The following CTNNA3 variants were observed in gnomAD, a reference collection of about 807,000 sequenced individuals.
CTNNA3 encodes the protein catenin alpha 3.
CTNNA3 carries 76 observed loss-of-function variants against 95.7 expected under a neutral mutation model. That is an observed-to-expected ratio of 0.79 (90% CI 0.66 to 0.96). The LOEUF (loss-of-function observed/expected upper bound fraction) is 0.96, where lower values mean the gene tolerates loss of function less well. CTNNA3 is among the 40% of genes least tolerant of loss of function. CTNNA3 has a pLI of 0.00. For missense variants in CTNNA3, 1,191 were observed against 1,089.8 expected (o/e 1.09, Z -1.31); for synonymous variants, 431 against 374.4 (o/e 1.15, Z -1.74).
At chr10:66,077,689 G>A (rs1331819048) in intron 14 of CTNNA3, among the ~76,000 whole-genome samples, 1 of 150,864 alleles carries the variant, frequency 6.6e-6, no homozygotes, top group Non-Finnish European at 1.5e-5. Context: ...TTCAAAGGTG[G>A]TGATCTGTAT....
intron 13 of CTNNA3, among the ~76,000 whole-genome samples, chr10:66,170,241 C>CTTTTTTTTTTTTTT (rs57644952): frequency 2.7e-5 from 2 of 73,360 alleles, no homozygotes; most frequent in African/African-American, 5.0e-5. Context: ...TCCTCATTGT[C>CTTTTTTTTTTTTTT]TTTTTTTTTT....
Position 67,577,661 on chromosome 10 carries a change from C to T in CTNNA3, c.292+29196G>A, listed in dbSNP as rs559652777. 3.3e-5 allele frequency among the ~76,000 whole-genome samples: 5 copies of T among 150,940 alleles called. No individual in the cohort carries two copies. In the South Asian group the frequency reaches 1.1e-3, roughly 32 times the overall value. ...ATATATGTATGTGTATATATATACA[C>T]ACATATGTGTGTGTGTGTATGTGTA... is the stretch of plus-strand genomic sequence containing the variant. On this transcript the variant is annotated intron_variant, in intron 3 of 17. Transcript: ENST00000433211.
At chr10:66,816,673 T>G (rs1400531143) in intron 7 of CTNNA3, among the ~76,000 whole-genome samples, 1 of 152,176 alleles carries the variant, frequency 6.6e-6, no homozygotes, top group East Asian at 1.9e-4. Context: ...ATAAGCCAAC[T>G]ACACCTAATA....
intron 7 of CTNNA3, among the ~76,000 whole-genome samples, chr10:66,871,971 T>C (rs992583945): frequency 2.6e-5 from 4 of 152,214 alleles, no homozygotes; most frequent in African/African-American, 9.6e-5. Flanking sequence ...TTATCTATAT[T>C]AGCACTGCAC....
chr10:66,675,190 A>G (rs1846806664), intron 9 of CTNNA3, among the ~76,000 whole-genome samples: 1 of 152,004 alleles, frequency 6.6e-6, no homozygotes, highest in South Asian at 2.1e-4. Flanking sequence ...TGAGCAAAAC[A>G]AAAGCCATTG....
chr10:66,374,466 A>G (rs2092777984), intron 12 of CTNNA3, among the ~76,000 whole-genome samples: 1 of 152,128 alleles, frequency 6.6e-6, no homozygotes, highest in Non-Finnish European at 1.5e-5. Flanking sequence ...TCAATTCAAG[A>G]GATTTCGTTT....
intron 1 of CTNNA3, among the ~76,000 whole-genome samples, chr10:67,685,807 T>G (rs1233095318): frequency 6.6e-6 from 1 of 152,202 alleles, no homozygotes; most frequent in East Asian, 1.9e-4. Flanking sequence ...TCTCTTTCTC[T>G]CTGACTCCCT....
At chr10:67,189,752 A>C (rs1160461305) in intron 6 of CTNNA3, among the ~76,000 whole-genome samples, 2 of 152,156 alleles carry the variant, frequency 1.3e-5, no homozygotes, top group African/African-American at 4.8e-5. Flanking sequence ...GTCAAAGAGA[A>C]GACAGGTACT....
intron 1 of CTNNA3, among the ~76,000 whole-genome samples, chr10:67,703,729 C>T (rs1473924658): frequency 1.3e-5 from 2 of 152,134 alleles, no homozygotes; most frequent in Non-Finnish European, 2.9e-5. Context: ...ACAGGGATGC[C>T]CTCTCTCACC....
rs10997599 is a variant in CTNNA3, at chr10:67,265,126, A to G, written c.580-45256T>C. On this transcript the variant is annotated intron_variant, in intron 5 of 17. Transcript: ENST00000433211. Reference sequence around the variant, plus strand: ...ATCTGTTCTACTTGCCATACCTAGTATAAGTCCTTGTCTGTCCTATTTCTG... The same window carrying G: ...ATCTGTTCTACTTGCCATACCTAGTGTAAGTCCTTGTCTGTCCTATTTCTG... Among the ~76,000 whole-genome samples, 2,782 of 152,256 alleles carry G rather than the reference A, an allele frequency of 0.018. 232 individuals carry two copies. In the East Asian group the frequency reaches 0.25, roughly 14 times the overall value.
chr10:66,911,911 T>C (rs1181395650), intron 7 of CTNNA3, among the ~76,000 whole-genome samples: 2 of 152,160 alleles, frequency 1.3e-5, no homozygotes, highest in Non-Finnish European at 2.9e-5. Flanking sequence ...AATGACATGT[T>C]TAACTGTTTT....
intron 13 of CTNNA3, among the ~76,000 whole-genome samples, chr10:66,148,220 A>AT (rs1410020040): frequency 1.3e-5 from 2 of 151,806 alleles, no homozygotes; most frequent in African/African-American, 2.4e-5. Context: ...TTTCTTGTCA[A>AT]TTTTTTGTTC....
At chr10:67,302,059 GAAAGAAAGAAA>G (rs1840336675) in intron 5 of CTNNA3, among the ~76,000 whole-genome samples, 2 of 86,750 alleles carry the variant, frequency 2.3e-5, no homozygotes, top group Non-Finnish European at 3.9e-5. Context: ...AAGAAAGAAA[GAAAGAAAGAAA>G]GAAAGAAAGA....
At chr10:66,435,571 T>C (rs7088309) in intron 11 of CTNNA3, among the ~76,000 whole-genome samples, 2,481 of 152,314 alleles carry the variant, frequency 0.016, 30 homozygotes, top group Non-Finnish European at 0.024. Flanking sequence ...TTCTCTCTTT[T>C]CTTCTTTATT....
chr10:66,656,469 T>C (rs1468932945), intron 9 of CTNNA3, among the ~76,000 whole-genome samples: 1 of 152,012 alleles, frequency 6.6e-6, no homozygotes, highest in Non-Finnish European at 1.5e-5. Flanking sequence ...GAAAGTGAAG[T>C]TCCAGTGACC....
intron 11 of CTNNA3, among the ~76,000 whole-genome samples, chr10:66,396,723 A>C (rs1329365935): frequency 1.3e-5 from 2 of 151,942 alleles, no homozygotes; most frequent in Non-Finnish European, 2.9e-5. Context: ...TTTCTAGTAA[A>C]TAGTCCCCAA....
chr10:66,273,085 C>A (rs751212632), intron 13 of CTNNA3, among the ~76,000 whole-genome samples: 1 of 152,156 alleles, frequency 6.6e-6, no homozygotes, highest in Admixed American at 6.6e-5. Context: ...ATCTTAGTAA[C>A]CTTGGCATAT....
Position 65,960,598 on chromosome 10 carries a change from T to C in CTNNA3, c.2400+6014A>G, listed in dbSNP as rs1455650828. Among the ~76,000 whole-genome samples the C allele has an allele frequency of 2.6e-5, 4 of 152,352 alleles. No homozygotes were observed. In the East Asian group the frequency reaches 7.7e-4, roughly 29 times the overall value. On this transcript the variant is annotated intron_variant, in intron 17 of 17. Coordinates refer to ENST00000433211, the MANE Select transcript of CTNNA3 (RefSeq NM_013266.4). ...GGGTATATAGCATGATGCTGAGGTC[T>C]GGGCTTCTATTAATTTCATCTCTCA...
chr10:66,105,865 AC>A, intron 13 of CTNNA3, among the ~76,000 whole-genome samples: 1 of 152,322 alleles, frequency 6.6e-6, no homozygotes, highest in Admixed American at 6.5e-5. Context: ...TTAAGTGGAA[AC>A]TAAGAAAGAG....
Sources: gnomAD v4.1 joint callset for allele counts (sites outside exome capture counted in the v4.1 genomes callset) on GRCh38, gnomAD v4.1.1 for gene constraint, MANE v1.5 for transcripts, NCBI Gene and HGNC (gene_info 2026-07-23, HGNC 2026-07-21) for gene names.